The following AFF3 variants were observed in gnomAD, a reference collection of about 807,000 sequenced individuals.
The protein encoded by AFF3 is AF4/FMR2 family member 3.
In AFF3, 32 loss-of-function variants were observed where a neutral mutation model predicts 129.7. That is an observed-to-expected ratio of 0.25 (90% CI 0.19 to 0.33). AFF3 has a LOEUF of 0.33. Among genes scored for constraint, AFF3 ranks in the 10% least tolerant of loss-of-function variants. The probability of loss-of-function intolerance (pLI) is 1.00; values close to 1 mark genes in which losing one functional copy is unlikely to be tolerated. For synonymous variants in AFF3, 644 were observed against 635.4 expected (o/e 1.01, Z -0.20); for missense variants, 1,373 against 1,592.0 (o/e 0.86, Z 2.34).
chr2:99,605,834 C>T (rs1244425634), intron 13 of AFF3, among the ~76,000 whole-genome samples: 1 of 151,400 alleles, frequency 6.6e-6, no homozygotes, highest in Non-Finnish European at 1.5e-5. Flanking sequence ...AGGCATGTAC[C>T]ACCATACCCG....
chr2:99,947,304 G>A (rs1427124588), intron 7 of AFF3, among the ~76,000 whole-genome samples: 2 of 151,916 alleles, frequency 1.3e-5, no homozygotes, highest in Admixed American at 6.6e-5. Flanking sequence ...TTAGCCAAGT[G>A]TGGTCACAGA....
At chr2:99,680,936 G>A (rs1486160213) in intron 11 of AFF3, among the ~76,000 whole-genome samples, 1 of 152,230 alleles carries the variant, frequency 6.6e-6, no homozygotes, top group Non-Finnish European at 1.5e-5. Flanking sequence ...GCATAACACA[G>A]TGGTTTCCAA....
chr2:99,852,348 AAAAC>A (rs1012854460), intron 7 of AFF3, among the ~76,000 whole-genome samples: 1 of 152,188 alleles, frequency 6.6e-6, no homozygotes, highest in African/African-American at 2.4e-5. Context: ...GGTTTTTAGA[AAAAC>A]AAAACAAAAC....
At chr2:99,766,999 C>T (rs533187119) in intron 8 of AFF3, among the ~76,000 whole-genome samples, 1 of 152,336 alleles carries the variant, frequency 6.6e-6, no homozygotes, top group African/African-American at 2.4e-5. Context: ...TTGATGTTCA[C>T]TGACAACACA....
At chr2:100,040,763 G>T (rs1685356604) in intron 4 of AFF3, among the ~76,000 whole-genome samples, 1 of 152,192 alleles carries the variant, frequency 6.6e-6, no homozygotes, top group African/African-American at 2.4e-5. Context: ...ACAGCTTCAG[G>T]GCTTGGGGAG....
At chr2:100,084,457 G>A (rs1225917618) in intron 4 of AFF3, among the ~76,000 whole-genome samples, 1 of 152,202 alleles carries the variant, frequency 6.6e-6, no homozygotes, top group Non-Finnish European at 1.5e-5. Context: ...CTGGTTCACA[G>A]TCTGTGTTCT....
At chr2:99,853,124 G>T (rs1690270889) in intron 7 of AFF3, among the ~76,000 whole-genome samples, 1 of 152,108 alleles carries the variant, frequency 6.6e-6, no homozygotes, top group Admixed American at 6.6e-5. Flanking sequence ...TGAAAGAAAT[G>T]ATGTTTGAAA....
chr2:99,554,796 A>T (rs1674769161), intron 22 of AFF3, 64 bp from the exon 23 acceptor site: 14 of 1,593,766 alleles, frequency 8.8e-6, no homozygotes, highest in Non-Finnish European at 1.2e-5. Context: ...GGTGACATGA[A>T]CGTGTTTTCA....
At position 99,769,465 on chromosome 2, in the gene AFF3, C is replaced by G. The variant is rs13391787; in HGVS notation, c.922-17164G>C. The stretch of plus-strand genomic sequence containing the variant: ...GCCATTTTGAATTCTCTGTCACATA[C>G]CTCTGTTTCTCCAGAATTAGTCCCT... On this transcript the variant is annotated intron_variant, in intron 8 of 24. Transcript: ENST00000672756. Among the ~76,000 whole-genome samples the G allele has an allele frequency of 2.9e-3, 435 of 152,312 alleles. 1 individual carries two copies. Among genetic ancestry groups the G allele is most frequent in the African/African-American group, 0.01 (421 of 41,558 alleles).
At chr2:99,834,729 T>C (rs1688741050) in intron 8 of AFF3, among the ~76,000 whole-genome samples, 1 of 152,220 alleles carries the variant, frequency 6.6e-6, no homozygotes, top group African/African-American at 2.4e-5. Flanking sequence ...CCATGACTTT[T>C]CACTGTCATA....
chr2:100,079,894 T>C (rs1419003175), intron 4 of AFF3, among the ~76,000 whole-genome samples: 1 of 152,128 alleles, frequency 6.6e-6, no homozygotes, highest in East Asian at 1.9e-4. Context: ...ACGTCTGATG[T>C]TCCTCAAGTG....
At chr2:99,981,121 C>T (rs368103809) in intron 7 of AFF3, among the ~76,000 whole-genome samples, 32 of 152,246 alleles carry the variant, frequency 2.1e-4, no homozygotes, top group African/African-American at 6.5e-4. Context: ...CAGGTTCAAG[C>T]GATTCTCCTG....
chr2:99,707,033 T>C (rs779642988), intron 11 of AFF3: 13 of 927,204 alleles, frequency 1.4e-5, no homozygotes, highest in Non-Finnish European at 1.7e-5. Context: ...TCAAAGGCCA[T>C]ATTCCCCAGA....
At chr2:99,706,773 C>T (rs1677436358) in intron 11 of AFF3, among the ~76,000 whole-genome samples, 1 of 152,186 alleles carries the variant, frequency 6.6e-6, no homozygotes, top group Non-Finnish European at 1.5e-5. Context: ...CAAACAACTA[C>T]AGAAATGAGA....
intron 10 of AFF3, among the ~76,000 whole-genome samples, chr2:99,736,385 A>G (rs1171876852): frequency 6.6e-6 from 1 of 152,130 alleles, no homozygotes; most frequent in Non-Finnish European, 1.5e-5. Flanking sequence ...CTTTTTGCTT[A>G]AAGTTTATTT....
intron 8 of AFF3, among the ~76,000 whole-genome samples, chr2:99,833,143 G>C (rs1389173963): frequency 6.6e-6 from 1 of 152,084 alleles, no homozygotes; most frequent in African/African-American, 2.4e-5. Context: ...CCACCATCCG[G>C]GGTCTGTACA....
chr2:99,621,221 A>G (rs1681972081), intron 13 of AFF3, among the ~76,000 whole-genome samples: 1 of 152,264 alleles, frequency 6.6e-6, no homozygotes, highest in Non-Finnish European at 1.5e-5. Context: ...CCAGAGTCAC[A>G]GACAATTCAC....
chr2:99,640,522 A>G lies in AFF3; in HGVS notation c.1184+9104T>C, dbSNP rs76204645. On this transcript the variant is annotated intron_variant, in intron 13 of 24. Transcript: ENST00000672756. ...ATGTGTAAATGCTTTGCCCAAAGTAAATTCCAGACCAAGTTCAAGGACTCA... is the reference window on the plus strand; with the variant it reads ...ATGTGTAAATGCTTTGCCCAAAGTAGATTCCAGACCAAGTTCAAGGACTCA... 3.1e-3 allele frequency among the ~76,000 whole-genome samples: 465 copies of G among 152,224 alleles called. 2 individuals are homozygous for G. Among genetic ancestry groups the G allele is most frequent in the African/African-American group, 0.011 (444 of 41,536 alleles).
At chr2:100,052,403 G>A (rs906577606) in intron 4 of AFF3, among the ~76,000 whole-genome samples, 1 of 152,136 alleles carries the variant, frequency 6.6e-6, no homozygotes, top group Non-Finnish European at 1.5e-5. Flanking sequence ...CATGGATTTA[G>A]GGAAGGACAA....
Sources: gnomAD v4.1 joint callset for allele counts (sites outside exome capture counted in the v4.1 genomes callset) on GRCh38, gnomAD v4.1.1 for gene constraint, MANE v1.5 for transcripts, NCBI Gene and HGNC (gene_info 2026-07-23, HGNC 2026-07-21) for gene names.